RGS6: variants seen among roughly 807,000 people sequenced by gnomAD.
The protein encoded by RGS6 is regulator of G protein signaling 6, also known as regulator of G-protein signaling 6.
Under a neutral mutation model 78.5 loss-of-function variants are expected in RGS6, and 30 were observed. The ratio of observed to expected loss-of-function variants is 0.38; its 90% confidence interval spans 0.29 to 0.52. RGS6 has a LOEUF of 0.52. Among genes scored for constraint, RGS6 ranks in the 20% least tolerant of loss-of-function variants. The pLI, the probability that RGS6 is intolerant of heterozygous loss-of-function variation, is 0.85. For missense variants in RGS6, 495 were observed against 609.7 expected (o/e 0.81, Z 1.98); for synonymous variants, 206 against 206.0 (o/e 1.00, Z 0.00).
the RGS6 span, among the ~76,000 whole-genome samples, chr14:72,617,629 A>T: frequency 4.7e-4 from 72 of 152,290 alleles, no homozygotes; most frequent in Middle Eastern, 3.4e-3. Context: ...ACTCTGCTGA[A>T]GCGTGGGGGA....
chr14:72,400,569 A>G (rs2092263678), intron 3 of RGS6, among the ~76,000 whole-genome samples: 2 of 152,330 alleles, frequency 1.3e-5, no homozygotes, highest in South Asian at 4.1e-4. Context: ...TGGGGCTTGC[A>G]TTTTAATAGA....
intron 2 of RGS6, among the ~76,000 whole-genome samples, chr14:72,125,853 G>T (rs1391908311): frequency 6.6e-6 from 1 of 152,128 alleles, no homozygotes; most frequent in Non-Finnish European, 1.5e-5. Context: ...TGATGGGTTG[G>T]TGGTCTCAGC....
intron 2 of RGS6, among the ~76,000 whole-genome samples, chr14:72,014,183 T>A (rs2086465013): frequency 6.6e-6 from 1 of 152,178 alleles, no homozygotes; most frequent in Non-Finnish European, 1.5e-5. Flanking sequence ...TCCTAGGGCG[T>A]TCTCAGTGCA....
intron 2 of RGS6, among the ~76,000 whole-genome samples, chr14:72,308,627 A>C (rs549549080): frequency 6.6e-6 from 1 of 152,334 alleles, no homozygotes; most frequent in African/African-American, 2.4e-5. Context: ...ATTTGTTCAA[A>C]TATATTTGAG....
intron 1 of RGS6, among the ~76,000 whole-genome samples, chr14:71,962,617 G>T (rs2093280702): frequency 6.6e-6 from 1 of 152,188 alleles, no homozygotes; most frequent in Non-Finnish European, 1.5e-5. Context: ...GTGTTTCCAT[G>T]TAGTACTATA....
At chr14:72,149,401 A>G (rs2096652104) in intron 2 of RGS6, among the ~76,000 whole-genome samples, 1 of 152,202 alleles carries the variant, frequency 6.6e-6, no homozygotes, top group Non-Finnish European at 1.5e-5. Context: ...TAAAACCACC[A>G]CATGGCGGGG....
At position 72,003,800 on chromosome 14, in the gene RGS6, C is replaced by G. The variant is rs548510576; in HGVS notation, c.84+38925C>G. On this transcript the variant is annotated intron_variant, in intron 2 of 17. Transcript: ENST00000553525. ...AGGCCTCACCCTACCCAGTGGAACT[C>G]TGGAACTGGCATTTCCCAAGTTGGG... Among the ~76,000 whole-genome samples, 15 of 152,298 alleles carry G rather than the reference C, an allele frequency of 9.8e-5. No individual in the cohort carries two copies. The South Asian group carries it at 2.5e-3, about 25-fold the overall frequency.
intron 2 of RGS6, among the ~76,000 whole-genome samples, chr14:72,289,041 A>G (rs368755161): frequency 8.5e-4 from 130 of 152,286 alleles, no homozygotes; most frequent in African/African-American, 3.1e-3. Context: ...ATTACTAACA[A>G]TGCATATACA....
chr14:72,276,536 A>C (rs916309349), intron 2 of RGS6, among the ~76,000 whole-genome samples: 1 of 152,208 alleles, frequency 6.6e-6, no homozygotes, highest in Non-Finnish European at 1.5e-5. Flanking sequence ...CCCAACTCTC[A>C]TCTTGAATTG....
In RGS6 at chr14:72,459,618, A is replaced by G. The variant is rs1597823795; in HGVS notation, c.343-14A>G. The G allele has an allele frequency of 1.9e-6, 3 of 1,613,894 alleles. No individual in the cohort carries two copies. Among genetic ancestry groups the G allele is most frequent in the South Asian group, 1.1e-5 (1 of 91,078 alleles). The stretch of plus-strand genomic sequence containing the variant: ...GGCGCGCCCCTGAGCACTAACACCC[A>G]TGCTCCTTTGCAGGCTCCGTACTTC... On this transcript the variant is annotated splice_polypyrimidine_tract_variant and intron_variant, in intron 5 of 17. Coordinates refer to ENST00000553525, the MANE Select transcript of RGS6 (RefSeq NM_001204424.2).
In RGS6 at chr14:72,207,848, A is replaced by C. The variant is rs148408604; in HGVS notation, c.85-144247A>C. On this transcript the variant is annotated intron_variant, in intron 2 of 17. Transcript: ENST00000553525. Reference sequence around the variant, plus strand: ...AAGGTTATTAAGCTGTCCACGCTTCAGGCTTATCATGATTCATCATCTATT... The same window carrying C: ...AAGGTTATTAAGCTGTCCACGCTTCCGGCTTATCATGATTCATCATCTATT... Among the ~76,000 whole-genome samples the C allele has an allele frequency of 9.3e-4, 142 of 152,340 alleles. 1 individual carries two copies. Among genetic ancestry groups the C allele is most frequent in the African/African-American group, 3.4e-3 (140 of 41,574 alleles).
At chr14:72,254,222 A>G (rs2040609672) in intron 2 of RGS6, among the ~76,000 whole-genome samples, 1 of 152,212 alleles carries the variant, frequency 6.6e-6, no homozygotes, top group Non-Finnish European at 1.5e-5. Flanking sequence ...TTGATTCACA[A>G]GCCTGGCCTT....
intron 2 of RGS6, among the ~76,000 whole-genome samples, chr14:72,135,770 C>T (rs767145719): frequency 2.0e-5 from 3 of 151,660 alleles, no homozygotes; most frequent in Non-Finnish European, 4.4e-5. Flanking sequence ...TTATATGGTG[C>T]CATTTTAGGA....
intron 1 of RGS6, among the ~76,000 whole-genome samples, chr14:71,941,061 G>A (rs141210901): frequency 7.0e-4 from 106 of 152,248 alleles, no homozygotes; most frequent in African/African-American, 2.4e-3. Flanking sequence ...TTGAGGCTCA[G>A]TATCTGCTTC....
the RGS6 span, among the ~76,000 whole-genome samples, chr14:71,888,943 T>G: frequency 1.3e-5 from 2 of 152,198 alleles, no homozygotes; most frequent in Non-Finnish European, 2.9e-5. Flanking sequence ...GAGTTTTTGA[T>G]GTAGGGTGTC....
chr14:72,253,360 T>C (rs1272823989), intron 2 of RGS6, among the ~76,000 whole-genome samples: 1 of 152,142 alleles, frequency 6.6e-6, no homozygotes, highest in Non-Finnish European at 1.5e-5. Context: ...GATTGGAAGG[T>C]TATTTGTTAC....
intron 2 of RGS6, among the ~76,000 whole-genome samples, chr14:72,159,244 G>A (rs1364290536): frequency 6.6e-6 from 1 of 152,156 alleles, no homozygotes; most frequent in Non-Finnish European, 1.5e-5. Flanking sequence ...GCATATGGCA[G>A]TGTTATTCAG....
chr14:72,415,667 G>A (rs988275382), intron 3 of RGS6, among the ~76,000 whole-genome samples: 2 of 152,140 alleles, frequency 1.3e-5, no homozygotes, highest in African/African-American at 4.8e-5. Context: ...GTTCCTATTC[G>A]GCCATCTTGG....
chr14:72,533,424 G>T (rs2097206995), intron 15 of RGS6, among the ~76,000 whole-genome samples: 1 of 152,232 alleles, frequency 6.6e-6, no homozygotes, highest in South Asian at 2.1e-4. Context: ...TTTCATGACT[G>T]CTAACACAAC....
Sources: allele counts gnomAD v4.1 joint callset (sites outside exome capture counted in the v4.1 genomes callset), GRCh38; gene constraint gnomAD v4.1.1; transcripts MANE v1.5; gene names NCBI Gene and HGNC (gene_info 2026-07-23, HGNC 2026-07-21).